MYO7A: variants seen among roughly 807,000 people sequenced by gnomAD.
MYO7A encodes the protein myosin VIIA, also known as unconventional myosin-VIIa.
In MYO7A, 210 loss-of-function variants were observed where a neutral mutation model predicts 263.8. The observed-to-expected ratio is 0.80, with a 90% CI of 0.71 to 0.89. The LOEUF (loss-of-function observed/expected upper bound fraction) is 0.89. Among genes scored for constraint, MYO7A ranks in the 40% least tolerant of loss-of-function variants. The pLI, the probability that MYO7A is intolerant of heterozygous loss-of-function variation, is 0.00. For missense variants in MYO7A, 2,820 were observed against 2,968.3 expected (o/e 0.95, Z 1.16); for synonymous variants, 1,239 against 1,197.3 (o/e 1.03, Z -0.72).
intron 32 of MYO7A, among the ~76,000 whole-genome samples, chr11:77,195,356 C>T (rs1174125556): frequency 6.6e-6 from 1 of 152,108 alleles, no homozygotes; most frequent in African/African-American, 2.4e-5. Flanking sequence ...CCTGCCACCC[C>T]TCTGTCCCTC....
In MYO7A at chr11:77,211,060, T is replaced by C. The variant is rs1591505074; in HGVS notation, c.6052-92T>C. ...TGGGCCCATGTGCGGGGTAAGGTGGTAGACCCCGGCGTTGGGGGTCTTGGT... is the reference window on the plus strand; with the variant it reads ...TGGGCCCATGTGCGGGGTAAGGTGGCAGACCCCGGCGTTGGGGGTCTTGGT... On this transcript the variant is annotated intron_variant, in intron 44 of 48. Coordinates refer to ENST00000409709, the MANE Select transcript of MYO7A (RefSeq NM_000260.4). The C allele has an allele frequency of 3.3e-6, 4 of 1,228,946 alleles. No homozygotes were observed. In the East Asian group the frequency reaches 1.0e-4, roughly 32 times the overall value. 76.1% of individuals were successfully genotyped at this position (1,228,946 alleles called of 1,614,324 possible). A position where few individuals can be genotyped will look rare whatever the true frequency, so the allele number is the denominator to read the frequency against.
intron 30 of MYO7A, chr11:77,191,126 C>A (rs1956035867): frequency 5.3e-6 from 2 of 376,114 alleles, no homozygotes. Flanking sequence ...TCGAGACCAG[C>A]CTGGCTAATG....
In MYO7A at chr11:77,214,705, G is replaced by C. The variant is rs1304181992; in HGVS notation, c.*9G>C. On this transcript the variant is annotated 3_prime_UTR_variant, in exon 49 of 49. Transcript: ENST00000409709. Reference sequence around the variant, plus strand: ...CCAGGAGCGGCAAGTGAACAGTCACGGGGAGGTGCTGGTTCCATGCCTGCT... The same window carrying C: ...CCAGGAGCGGCAAGTGAACAGTCACCGGGAGGTGCTGGTTCCATGCCTGCT... 2.6e-6 allele frequency: 4 copies of C among 1,560,968 alleles called. No homozygotes were observed. In the Admixed American group the frequency reaches 7.6e-5, roughly 30 times the overall value.
At chr11:77,175,236 A>G in intron 17 of MYO7A, 136 bp from the exon 18 acceptor site, 2 of 784,246 alleles carry the variant, frequency 2.6e-6, no homozygotes, top group Admixed American at 2.5e-5. Context: ...CAGAGAAGGC[A>G]GGACCCAGCT....
At chr11:77,147,157 C>T (rs540472036) in intron 3 of MYO7A, among the ~76,000 whole-genome samples, 2 of 152,216 alleles carry the variant, frequency 1.3e-5, no homozygotes, top group East Asian at 3.9e-4. Flanking sequence ...TTCCCCTGAA[C>T]CTGCCAAGCC....
At chr11:77,152,419 C>T (rs568923527) in intron 4 of MYO7A, among the ~76,000 whole-genome samples, 66 of 152,286 alleles carry the variant, frequency 4.3e-4, no homozygotes, top group African/African-American at 1.3e-3. Flanking sequence ...GGCCTTGAGG[C>T]CCTGCCACAG....
At chr11:77,134,096 A>AT (rs34822247) in intron 2 of MYO7A, among the ~76,000 whole-genome samples, 18,999 of 151,792 alleles carry the variant, frequency 0.13, 1,336 homozygotes, top group Middle Eastern at 0.26. Context: ...TACCTGGCTA[A>AT]TTTTTTTTAT....
intron 30 of MYO7A, among the ~76,000 whole-genome samples, chr11:77,191,390 C>T (rs1028794102): frequency 6.6e-6 from 1 of 152,224 alleles, no homozygotes; most frequent in African/African-American, 2.4e-5. Context: ...AGTAGGATGT[C>T]CTCAGTCCTG....
At chr11:77,171,691 A>G (rs1453526127) in intron 15 of MYO7A, among the ~76,000 whole-genome samples, 1 of 152,238 alleles carries the variant, frequency 6.6e-6, no homozygotes, top group Non-Finnish European at 1.5e-5. Context: ...AAATCTTGCA[A>G]TATTAATCAA....
chr11:77,207,646 A>G (rs1325888446), intron 42 of MYO7A, among the ~76,000 whole-genome samples: 1 of 152,194 alleles, frequency 6.6e-6, no homozygotes, highest in Non-Finnish European at 1.5e-5. Flanking sequence ...TCTGTGTTCT[A>G]AAAACACCAG....
chr11:77,149,822 G>T (rs1338160828), intron 4 of MYO7A, among the ~76,000 whole-genome samples: 2 of 152,140 alleles, frequency 1.3e-5, no homozygotes, highest in African/African-American at 4.8e-5. Context: ...TGCACTCAGA[G>T]AGGCAGGGCA....
chr11:77,182,698 T>C (rs1418871431), intron 25 of MYO7A, 98 bp downstream of exon 25: 22 of 1,281,550 alleles, frequency 1.7e-5, no homozygotes, highest in Non-Finnish European at 2.0e-5. Context: ...AAAAGGATCC[T>C]ATAATTCATC....
rs782099984 is a variant in MYO7A at position 77,147,884 on chromosome 11, G to A, written c.219G>A (p.Leu73=). Reference sequence around the variant, plus strand: ...ACGGCGTGGAGGACATGATCCGCCTGGGGGACCTCAACGAGGCGGGCATCT... The same window carrying A: ...ACGGCGTGGAGGACATGATCCGCCTAGGGGACCTCAACGAGGCGGGCATCT... The part of the protein sequence containing the change: ...SVHGVEDMIR[L]GDLNEAGILR... Residue 73 remains leucine (L), a synonymous_variant, in exon 4 of 49, where the codon CTG becomes CTA. Coordinates refer to ENST00000409709, the MANE Select transcript of MYO7A (RefSeq NM_000260.4). The A allele has an allele frequency of 1.9e-6, 3 of 1,598,428 alleles. No homozygotes were observed. In the East Asian group the frequency reaches 6.8e-5, roughly 36 times the overall value.
chr11:77,204,884 A>G (rs1957335076), intron 39 of MYO7A, among the ~76,000 whole-genome samples: 1 of 151,974 alleles, frequency 6.6e-6, no homozygotes, highest in South Asian at 2.1e-4. Context: ...AGCCAGGAAA[A>G]CTTTTCAGCC....
intron 3 of MYO7A, among the ~76,000 whole-genome samples, chr11:77,143,166 G>A (rs782671635): frequency 2.0e-5 from 3 of 152,134 alleles, no homozygotes; most frequent in African/African-American, 7.2e-5. Flanking sequence ...ATCCTATCTC[G>A]TCCATTTGTT....
chr11:77,130,476 C>G, intron 1 of MYO7A, 113 bp from the exon 2 acceptor site: 1 of 751,144 alleles, frequency 1.3e-6, no homozygotes, highest in South Asian at 1.7e-5. Flanking sequence ...AAGGAGGGTT[C>G]CCTTGAGGGA....
Position 77,160,298 on chromosome 11 carries a change from G to A in MYO7A, c.1200+16G>A. ...CTTCGTAAAGGTGGGCTGGAGGGAA[G>A]GGGCCGCTTGCTCGCCCTACCCCTT... On this transcript the variant is annotated intron_variant, in intron 11 of 48. Transcript: ENST00000409709. The A allele has an allele frequency of 6.4e-7, 1 of 1,550,422 alleles. No individual in the cohort carries two copies. Among genetic ancestry groups the A allele is most frequent in the Non-Finnish European group, 8.7e-7 (1 of 1,148,008 alleles).
At position 77,211,364 on chromosome 11, in the gene MYO7A, G is replaced by T. The variant is rs1957854509; in HGVS notation, c.6237+27G>T. 1.9e-6 allele frequency: 3 copies of T among 1,558,714 alleles called. No individual in the cohort carries two copies. The South Asian group carries it at 3.5e-5, about 18-fold the overall frequency. On this transcript the variant is annotated intron_variant, in intron 45 of 48. Transcript: ENST00000409709. ...TGAGCATGGGGTGGGCATCGGGAAT[G>T]GTGGGGCCCTGAATGGGCCTCGGGG...
chr11:77,183,016 C>T (rs782293081), intron 25 of MYO7A, 52 bp from the exon 26 acceptor site: 11 of 1,475,674 alleles, frequency 7.5e-6, no homozygotes, highest in African/African-American at 2.8e-5. Flanking sequence ...TCGGGGGTCT[C>T]GACATTGCTT....
Sources: gnomAD v4.1 joint callset for allele counts (sites outside exome capture counted in the v4.1 genomes callset) on GRCh38, gnomAD v4.1.1 for gene constraint, MANE v1.5 for transcripts, NCBI Gene and HGNC (gene_info 2026-07-23, HGNC 2026-07-21) for gene names.